Variants in MIR2052HG observed in about 807,000 individuals in gnomAD.
The protein encoded by MIR2052HG is MIR2052 host gene.
At chr8:74,627,471 G>A (rs767700995) in intron 2 of MIR2052HG, among the ~76,000 whole-genome samples, 8 of 152,176 alleles carry the variant, frequency 5.3e-5, no homozygotes, top group Non-Finnish European at 7.3e-5. Flanking sequence ...AATGCCAGTA[G>A]CATGAAATAT....
chr8:74,740,181 G>C (rs1459384601), intron 4 of MIR2052HG, among the ~76,000 whole-genome samples: 5 of 151,876 alleles, frequency 3.3e-5, no homozygotes, highest in African/African-American at 4.8e-5. Flanking sequence ...AAAATTGTTT[G>C]GGCTAGGCGC....
At position 74,612,502 on chromosome 8, in the gene MIR2052HG, C is replaced by T. The variant is rs542364358; in HGVS notation, n.129-351C>T. 4 of 174,926 alleles carry T rather than the reference C, an allele frequency of 2.3e-5. No individual in the cohort carries two copies. The East Asian group carries it at 6.6e-4, about 29-fold the overall frequency. 10.8% of individuals were successfully genotyped at this position (174,926 alleles called of 1,614,324 possible). A position where few individuals can be genotyped will look rare whatever the true frequency, so the allele number is the denominator to read the frequency against. ...CTGTAGTTGAGCAGCTAAATCTTCT[C>T]CCCTGCTTGCCTTCTGCTTGGACAG... On this transcript the variant is annotated intron_variant and non_coding_transcript_variant, in intron 1 of 6. Transcript: ENST00000523442.
At chr8:74,647,536 A>G (rs1808702337) in intron 2 of MIR2052HG, among the ~76,000 whole-genome samples, 1 of 152,224 alleles carries the variant, frequency 6.6e-6, no homozygotes, top group South Asian at 2.1e-4. Flanking sequence ...TTTCATTCAG[A>G]TTTATTGAAA....
At chr8:74,687,680 G>A (rs937202337) in intron 2 of MIR2052HG, among the ~76,000 whole-genome samples, 7 of 152,078 alleles carry the variant, frequency 4.6e-5, no homozygotes, top group Non-Finnish European at 8.8e-5. Flanking sequence ...GGGGTTGGGG[G>A]TGAGGGAAAT....
At chr8:74,746,647 C>T (rs1204568321) in intron 4 of MIR2052HG, among the ~76,000 whole-genome samples, 2 of 148,998 alleles carry the variant, frequency 1.3e-5, no homozygotes, top group East Asian at 3.9e-4. Context: ...TTTGGCCTTG[C>T]ATGAGGTAGA....
intron 2 of MIR2052HG, among the ~76,000 whole-genome samples, chr8:74,627,157 C>G (rs1186287934): frequency 6.6e-6 from 1 of 152,156 alleles, no homozygotes; most frequent in Non-Finnish European, 1.5e-5. Context: ...TCAGGTTCTG[C>G]TGTTTTATAT....
chr8:74,757,667 T>A (rs1267621449), intron 5 of MIR2052HG: 1 of 152,240 alleles, frequency 6.6e-6, no homozygotes, highest in Admixed American at 6.5e-5. Context: ...AACCCAAATC[T>A]AATCAACATA....
intron 4 of MIR2052HG, among the ~76,000 whole-genome samples, chr8:74,721,833 G>T (rs766177518): frequency 3.3e-5 from 5 of 152,172 alleles, no homozygotes; most frequent in Admixed American, 6.5e-5. Flanking sequence ...ACATGAAGGG[G>T]AGGAATTGTA....
chr8:74,641,605 T>A (rs1397066242), intron 2 of MIR2052HG, among the ~76,000 whole-genome samples: 1 of 149,074 alleles, frequency 6.7e-6, no homozygotes, highest in Non-Finnish European at 1.5e-5. Context: ...TTGTGGTCCA[T>A]TTTTTTTTTA....
chr8:74,600,568 C>CAA (rs369774569), intron 1 of MIR2052HG, among the ~76,000 whole-genome samples: 1 of 119,182 alleles, frequency 8.4e-6, no homozygotes, highest in African/African-American at 3.2e-5. Flanking sequence ...AACTCCCTCT[C>CAA]AAAAAAAAAA....
At chr8:74,668,410 T>C (rs1406790711) in intron 2 of MIR2052HG, among the ~76,000 whole-genome samples, 1 of 152,076 alleles carries the variant, frequency 6.6e-6, no homozygotes, top group Non-Finnish European at 1.5e-5. Flanking sequence ...ATTTAGAAAA[T>C]TTGAAAACTT....
intron 3 of MIR2052HG, among the ~76,000 whole-genome samples, chr8:74,703,158 T>C (rs2128741027): frequency 6.6e-6 from 1 of 152,088 alleles, no homozygotes; most frequent in African/African-American, 2.4e-5. Flanking sequence ...GCCTTGCCCT[T>C]GGGGATTGTT....
intron 1 of MIR2052HG, among the ~76,000 whole-genome samples, chr8:74,602,877 T>TTTTCTTTCTTTCTTTCTTTC (rs1808041448): frequency 2.0e-4 from 11 of 53,780 alleles, no homozygotes; most frequent in East Asian, 3.4e-4. Flanking sequence ...TTCTTTCTTT[T>TTTTCTTTCTTTCTTTCTTTC]TTCTATTCAC....
At chr8:74,604,583 CTT>C (rs35641908) in intron 1 of MIR2052HG, among the ~76,000 whole-genome samples, 2 of 50,032 alleles carry the variant, frequency 4.0e-5, no homozygotes, top group African/African-American at 1.8e-4. Flanking sequence ...TGTTTCTTTA[CTT>C]TTTTTTTTTT....
At chr8:74,719,378 C>G (rs1809551497) in intron 4 of MIR2052HG, among the ~76,000 whole-genome samples, 1 of 152,198 alleles carries the variant, frequency 6.6e-6, no homozygotes, top group African/African-American at 2.4e-5. Context: ...CAGTGATTAT[C>G]CAATCTTGCT....
intron 2 of MIR2052HG, among the ~76,000 whole-genome samples, chr8:74,662,765 G>A (rs923363045): frequency 3.9e-5 from 6 of 151,938 alleles, no homozygotes; most frequent in Non-Finnish European, 5.9e-5. Context: ...TTTAATGATA[G>A]GAGGGGCTTA....
At position 74,602,834 on chromosome 8, in the gene MIR2052HG, T is replaced by TTTCC. The variant is rs1174667768; in HGVS notation, n.128+2929_128+2930insCTTC. On this transcript the variant is annotated intron_variant and non_coding_transcript_variant, in intron 1 of 6. Transcript: ENST00000523442. ...CCGGCCGTGTTTCTTTCTTTCTTTC[T>TTTCC]TTCTTTCTTTCTTTCTTTCTTTCTT... Among the ~76,000 whole-genome samples the TTTCC allele has an allele frequency of 7.0e-3, 953 of 135,526 alleles. 1 individual carries two copies. The highest frequency in any genetic ancestry group is 0.011 in the Middle Eastern group (3 of 282). 88.9% of individuals were successfully genotyped at this position (135,526 alleles called of 152,430 possible). A position where few individuals can be genotyped will look rare whatever the true frequency, so the allele number is the denominator to read the frequency against.
chr8:74,648,489 C>A (rs960275700), intron 2 of MIR2052HG, among the ~76,000 whole-genome samples: 5 of 152,068 alleles, frequency 3.3e-5, no homozygotes, highest in Admixed American at 2.0e-4. Flanking sequence ...TTTTATTGCC[C>A]CTTGAAGCAT....
intron 2 of MIR2052HG, among the ~76,000 whole-genome samples, chr8:74,700,078 G>A (rs920240671): frequency 1.2e-4 from 19 of 152,094 alleles, no homozygotes; most frequent in African/African-American, 4.1e-4. Flanking sequence ...TTACCAATGA[G>A]AGAACCGAAG....
Sources: allele counts gnomAD v4.1 joint callset (sites outside exome capture counted in the v4.1 genomes callset), GRCh38; gene constraint gnomAD v4.1.1; transcripts MANE v1.5; gene names NCBI Gene and HGNC (gene_info 2026-07-23, HGNC 2026-07-21).